Variants in PDZRN3 observed in about 807,000 individuals in gnomAD.
PDZRN3 encodes the protein E3 ubiquitin-protein ligase PDZRN3.
In PDZRN3, 38 loss-of-function variants were observed where a neutral mutation model predicts 85.7. That is an observed-to-expected ratio of 0.44 (90% CI 0.34 to 0.58). The LOEUF is 0.58. Ranked by LOEUF, PDZRN3 falls within the 20% of genes least tolerant of loss-of-function variation. PDZRN3 has a pLI of 0.01. For missense variants in PDZRN3, 1,629 were observed against 1,506.4 expected (o/e 1.08, Z -1.35); for synonymous variants, 759 against 638.0 (o/e 1.19, Z -2.86).
chr3:73,452,567 C>T (rs1279560242), intron 3 of PDZRN3, among the ~76,000 whole-genome samples: 4 of 152,190 alleles, frequency 2.6e-5, no homozygotes, highest in African/African-American at 9.7e-5. Flanking sequence ...CAAGTCAGTC[C>T]TGGCTGGGCC....
chr3:73,517,612 T>C (rs1386716392), intron 3 of PDZRN3, among the ~76,000 whole-genome samples: 4 of 152,216 alleles, frequency 2.6e-5, no homozygotes, highest in South Asian at 2.1e-4. Context: ...AGGATATTTG[T>C]AGAATCTATA....
intron 3 of PDZRN3, among the ~76,000 whole-genome samples, chr3:73,410,986 A>G (rs1701955597): frequency 6.6e-6 from 1 of 152,244 alleles, no homozygotes; most frequent in Non-Finnish European, 1.5e-5. Flanking sequence ...GTACTTGGCA[A>G]CAAGCTGTTT....
intron 3 of PDZRN3, among the ~76,000 whole-genome samples, chr3:73,564,871 G>A (rs1262104602): frequency 6.6e-6 from 1 of 152,150 alleles, no homozygotes; most frequent in Non-Finnish European, 1.5e-5. Context: ...ACAGCTAATA[G>A]GTGTAAGCAT....
intron 3 of PDZRN3, among the ~76,000 whole-genome samples, chr3:73,484,380 C>T (rs951373876): frequency 7.2e-5 from 11 of 151,884 alleles, no homozygotes; most frequent in African/African-American, 2.4e-4. Context: ...AGTGTATGCA[C>T]CAGAGTGGTG....
At chr3:73,531,262 A>AG (rs1704648385) in intron 3 of PDZRN3, among the ~76,000 whole-genome samples, 1 of 151,556 alleles carries the variant, frequency 6.6e-6, no homozygotes, top group Non-Finnish European at 1.5e-5. Context: ...AAAAAAAAAA[A>AG]AAAAAAAAAA....
intron 3 of PDZRN3, among the ~76,000 whole-genome samples, chr3:73,540,873 T>C (rs1704904660): frequency 6.6e-6 from 1 of 152,216 alleles, no homozygotes; most frequent in Non-Finnish European, 1.5e-5. Flanking sequence ...TCTAAGAAGA[T>C]ATAAACACTT....
At chr3:73,500,072 T>G (rs1006247326) in intron 3 of PDZRN3, among the ~76,000 whole-genome samples, 7 of 152,178 alleles carry the variant, frequency 4.6e-5, no homozygotes, top group African/African-American at 1.4e-4. Context: ...TCCCCCACCT[T>G]CTAGACAGGG....
rs3205537 is a variant in PDZRN3 at position 73,384,218 on chromosome 3, G to T, written c.2348C>A (p.Ala783Glu). ...GCTGCTCGGGCAGCTGATGCCCTCC[G>T]CCGCTCTCCTCAAGGAGTTGTCGGG... is the stretch of plus-strand genomic sequence containing the variant. Reference protein sequence around the residue: ...ISPDNSLRRAAEGISCPSSEG... With the variant: ...ISPDNSLRRAEEGISCPSSEG... Residue 783 changes from alanine to glutamate, a missense_variant, in exon 10 of 10, where the codon GCG becomes GAG. Ala to Glu is a moderately radical substitution (Grantham distance 107, BLOSUM62 -1). Coordinates refer to ENST00000263666, the MANE Select transcript of PDZRN3 (RefSeq NM_015009.3). 3 of 1,613,394 alleles carry T rather than the reference G, an allele frequency of 1.9e-6. No homozygotes were observed. The highest frequency in any genetic ancestry group is 1.1e-5 in the South Asian group (1 of 91,074).
At chr3:73,433,855 G>A in intron 3 of PDZRN3, 1 of 1,439,906 alleles carries the variant, frequency 6.9e-7, no homozygotes, top group Non-Finnish European at 9.1e-7. Flanking sequence ...GCTCTCAGAG[G>A]CTAGACAACA....
At chr3:73,472,082 A>G (rs1186344168) in intron 3 of PDZRN3, among the ~76,000 whole-genome samples, 2 of 151,562 alleles carry the variant, frequency 1.3e-5, no homozygotes, top group East Asian at 1.9e-4. Flanking sequence ...ATCTAGGTGA[A>G]AGTTAAAAAG....
At chr3:73,483,377 G>A (rs577116120) in intron 3 of PDZRN3, among the ~76,000 whole-genome samples, 1 of 152,334 alleles carries the variant, frequency 6.6e-6, no homozygotes, top group Admixed American at 6.5e-5. Context: ...GGATACTCTT[G>A]TCAACCATAT....
In PDZRN3 at chr3:73,383,198, C is replaced by T. The variant is rs1703285415; in HGVS notation, c.*167G>A. 1 of 582,588 alleles carries T rather than the reference C, an allele frequency of 1.7e-6. No individual in the cohort carries two copies. 36.1% of individuals were successfully genotyped at this position (582,588 alleles called of 1,614,324 possible). A position where few individuals can be genotyped will look rare whatever the true frequency, so the allele number is the denominator to read the frequency against. ...AGTAAGGGTGTTTTTCTCTCTCTTC[C>T]CTTAAAATAGACCTATGACACCCAG... On this transcript the variant is annotated 3_prime_UTR_variant, in exon 10 of 10. Transcript: ENST00000263666.
At chr3:73,536,604 T>C (rs1190145392) in intron 3 of PDZRN3, among the ~76,000 whole-genome samples, 3 of 152,238 alleles carry the variant, frequency 2.0e-5, no homozygotes, top group African/African-American at 7.2e-5. Flanking sequence ...GAGAACTTAT[T>C]TTAAGAAACA....
At chr3:73,528,797 T>G (rs999955445) in intron 3 of PDZRN3, among the ~76,000 whole-genome samples, 3 of 152,048 alleles carry the variant, frequency 2.0e-5, no homozygotes, top group Non-Finnish European at 4.4e-5. Flanking sequence ...GGCATTGAGG[T>G]CTGTGCATCA....
chr3:73,435,235 C>T (rs1048007834), intron 3 of PDZRN3, among the ~76,000 whole-genome samples: 16 of 152,142 alleles, frequency 1.1e-4, no homozygotes, highest in African/African-American at 3.9e-4. Flanking sequence ...ACACCGAAGA[C>T]GAGGCACAGT....
intron 3 of PDZRN3, among the ~76,000 whole-genome samples, chr3:73,481,108 C>G (rs954514102): frequency 7.9e-5 from 12 of 152,164 alleles, no homozygotes; most frequent in African/African-American, 9.7e-5. Flanking sequence ...GATGCAGATA[C>G]CCGTGCTCTC....
At chr3:73,551,198 G>T (rs1426223228) in intron 3 of PDZRN3, among the ~76,000 whole-genome samples, 1 of 152,168 alleles carries the variant, frequency 6.6e-6, no homozygotes, top group African/African-American at 2.4e-5. Context: ...TTAAGAAAAT[G>T]TATTTTTTTG....
At chr3:73,604,807 T>C (rs947648874) in intron 2 of PDZRN3, among the ~76,000 whole-genome samples, 13 of 152,114 alleles carry the variant, frequency 8.5e-5, no homozygotes, top group African/African-American at 2.9e-4. Flanking sequence ...TGCACATAAG[T>C]AATAACTCTT....
intron 3 of PDZRN3, among the ~76,000 whole-genome samples, chr3:73,528,885 AACACACACACACAC>A (rs56134399): frequency 6.8e-6 from 1 of 146,774 alleles, no homozygotes; most frequent in Non-Finnish European, 1.5e-5. Context: ...TTTTGTGGGA[AACACACACACACAC>A]ACACACACAC....
Sources: gnomAD v4.1 joint callset for allele counts (sites outside exome capture counted in the v4.1 genomes callset) on GRCh38, gnomAD v4.1.1 for gene constraint, MANE v1.5 for transcripts, NCBI Gene and HGNC (gene_info 2026-07-23, HGNC 2026-07-21) for gene names.